Variants in CD226 observed in about 807,000 individuals in gnomAD.
The protein encoded by CD226 is CD226 antigen.
A neutral mutation model predicts 34.9 loss-of-function variants in CD226; 24 were observed. The observed-to-expected ratio is 0.69, with a 90% CI of 0.50 to 0.97. CD226 has a LOEUF of 0.97. Among genes scored for constraint, CD226 ranks in the 50% least tolerant of loss-of-function variants. CD226 has a pLI of 0.00. For synonymous variants in CD226, 148 were observed against 147.4 expected, an observed-to-expected ratio of 1.00 and a Z score of -0.03; for missense variants, 397 against 412.7, an observed-to-expected ratio of 0.96 and a Z score of 0.33.
intron 3 of CD226, among the ~76,000 whole-genome samples, chr18:69,892,487 C>G (rs1984962792): frequency 6.6e-6 from 1 of 152,218 alleles, no homozygotes; most frequent in South Asian, 2.1e-4. Context: ...GTTTCAAATT[C>G]AGAAAAGTCA....
chr18:69,885,409 C>T (rs1416472744), intron 3 of CD226, among the ~76,000 whole-genome samples: 3 of 152,214 alleles, frequency 2.0e-5, no homozygotes, highest in Middle Eastern at 3.4e-3. Flanking sequence ...GAAGCCATTA[C>T]GGTCTGGGCA....
upstream of CD226, among the ~76,000 whole-genome samples, chr18:69,949,913 C>G (rs1281875699): frequency 1.3e-5 from 2 of 152,120 alleles, no homozygotes; most frequent in East Asian, 3.9e-4. Context: ...TGCATGTGCA[C>G]ATATACTCTC....
chr18:69,946,727 C>G lies in CD226; in HGVS notation c.382+7G>C. 1 of 1,583,076 alleles carries G rather than the reference C, an allele frequency of 6.3e-7. No homozygotes were observed. The highest frequency in any genetic ancestry group is 8.6e-7 in the Non-Finnish European group (1 of 1,164,178). ...GGGATTTAAAAAAAAAAAAAACTTG[C>G]CCTTACCTGACTGAACCACCTGTAT... is the stretch of plus-strand genomic sequence containing the variant. On this transcript the variant is annotated splice_region_variant and intron_variant, in intron 2 of 5. Coordinates refer to ENST00000582621, the MANE Select transcript of CD226 (RefSeq NM_001303618.2).
chr18:69,927,074 T>C (rs181002544), intron 2 of CD226, among the ~76,000 whole-genome samples: 7 of 152,308 alleles, frequency 4.6e-5, no homozygotes, highest in African/African-American at 1.4e-4. Context: ...TATTAAGAGA[T>C]GGTGCTTTTG....
intron 2 of CD226, among the ~76,000 whole-genome samples, chr18:69,932,013 T>C (rs1418120519): frequency 6.6e-6 from 1 of 152,246 alleles, no homozygotes; most frequent in Admixed American, 6.5e-5. Context: ...CTCTGTGTCC[T>C]AATCTCCTCT....
rs1790930 is a variant in CD226 at position 69,895,441 on chromosome 18, G to C, written c.727+260C>G. Among the ~76,000 whole-genome samples the C allele has an allele frequency of 0.9, 137,431 of 152,160 alleles. 62,396 individuals carry two copies. The highest frequency in any genetic ancestry group is 0.99 in the Middle Eastern group (290 of 294). On this transcript the variant is annotated intron_variant, in intron 3 of 5. Transcript: ENST00000582621. ...TACCATATGTTTTTCAGCCCTTTACGAATTTCTTTTTTAAGCTTCAGGATG... is the reference window on the plus strand; with the variant it reads ...TACCATATGTTTTTCAGCCCTTTACCAATTTCTTTTTTAAGCTTCAGGATG...
chr18:69,924,005 A>C (rs2055489337), intron 2 of CD226, among the ~76,000 whole-genome samples: 2 of 152,284 alleles, frequency 1.3e-5, no homozygotes, highest in African/African-American at 4.8e-5. Context: ...CTTCAAAATA[A>C]AAACAGATGC....
chr18:69,896,014 G>T lies in CD226; in HGVS notation c.414C>A (p.Ser138Arg), dbSNP rs756696035. 1 of 1,611,628 alleles carries T rather than the reference G, an allele frequency of 6.2e-7. No individual in the cohort carries two copies. Among genetic ancestry groups the T allele is most frequent in the Non-Finnish European group, 8.5e-7 (1 of 1,179,404 alleles). The part of the protein sequence containing the change: ...DSFEAAVPSN[S>R]HIVSEPGKNV... ...TCTTTCCAGGTTCCGAAACAATGTG[G>T]CTATTTGATGGCACAGCTGCCTCAA... Residue 138 changes from serine to arginine, a missense_variant, in exon 3 of 6, where the codon AGC (serine) becomes AGA (arginine). Physicochemically the swap from Ser to Arg is moderately radical, Grantham distance 110. Coordinates refer to ENST00000582621, the MANE Select transcript of CD226 (RefSeq NM_001303618.2).
chr18:69,952,582 C>T (rs975234909), upstream of CD226, among the ~76,000 whole-genome samples: 12 of 152,136 alleles, frequency 7.9e-5, no homozygotes, highest in African/African-American at 2.7e-4. Flanking sequence ...TCCCTACCTC[C>T]GTGAAACACA....
intron 2 of CD226, among the ~76,000 whole-genome samples, chr18:69,929,404 A>G (rs2055562545): frequency 6.6e-6 from 1 of 152,118 alleles, no homozygotes; most frequent in Admixed American, 6.5e-5. Flanking sequence ...TTCTCCCTAT[A>G]TGCTCCATAG....
chr18:69,891,547 T>A (rs1003683009), intron 3 of CD226, among the ~76,000 whole-genome samples: 2 of 152,142 alleles, frequency 1.3e-5, no homozygotes, highest in African/African-American at 4.8e-5. Context: ...AGTAATATTA[T>A]CTCTGTTTGC....
At chr18:69,915,401 C>T (rs1213057488) in intron 2 of CD226, among the ~76,000 whole-genome samples, 1 of 152,036 alleles carries the variant, frequency 6.6e-6, no homozygotes, top group Non-Finnish European at 1.5e-5. Flanking sequence ...ATCTAACAGC[C>T]CCATTAAAAT....
chr18:69,939,275 T>G (rs186470481), intron 2 of CD226, among the ~76,000 whole-genome samples: 1 of 152,352 alleles, frequency 6.6e-6, no homozygotes, highest in African/African-American at 2.4e-5. Context: ...TTCTTTATAG[T>G]TTTACCACGT....
chr18:69,951,455 T>C (rs1357200113), upstream of CD226, among the ~76,000 whole-genome samples: 2 of 152,182 alleles, frequency 1.3e-5, no homozygotes, highest in Admixed American at 6.5e-5. Context: ...TGAACAAGAA[T>C]GCTGTCCTGG....
chr18:69,867,120 C>T (rs1051059292), intron 5 of CD226, among the ~76,000 whole-genome samples: 4 of 152,098 alleles, frequency 2.6e-5, no homozygotes, highest in South Asian at 4.2e-4. Context: ...ATTGTTATTA[C>T]GCCAGGGTAA....
At chr18:69,924,259 GAC>G (rs1430063684) in intron 2 of CD226, among the ~76,000 whole-genome samples, 1 of 152,052 alleles carries the variant, frequency 6.6e-6, no homozygotes, top group East Asian at 1.9e-4. Flanking sequence ...AAAAGCTACA[GAC>G]ACACTACATT....
chr18:69,906,843 G>A (rs557181585), intron 2 of CD226, among the ~76,000 whole-genome samples: 6 of 152,258 alleles, frequency 3.9e-5, no homozygotes, highest in East Asian at 3.9e-4. Flanking sequence ...GGCTTGACTC[G>A]GACAGTGAGC....
chr18:69,900,701 C>T (rs905513963), intron 2 of CD226, among the ~76,000 whole-genome samples: 1 of 142,804 alleles, frequency 7.0e-6, no homozygotes, highest in African/African-American at 2.6e-5. Context: ...CACTGCAGTC[C>T]GCAGTCCGGC....
At chr18:69,882,832 A>G (rs1568167016) in intron 3 of CD226, among the ~76,000 whole-genome samples, 1 of 152,092 alleles carries the variant, frequency 6.6e-6, no homozygotes, top group Non-Finnish European at 1.5e-5. Context: ...CCCAGCTAAC[A>G]TTTTTTTAAA....
Sources: gnomAD v4.1 joint callset for allele counts (sites outside exome capture counted in the v4.1 genomes callset) on GRCh38, gnomAD v4.1.1 for gene constraint, MANE v1.5 for transcripts, NCBI Gene and HGNC (gene_info 2026-07-23, HGNC 2026-07-21) for gene names.